Variants in GPR107 observed in about 807,000 individuals in gnomAD.
GPR107 encodes the protein protein GPR107.
A neutral mutation model predicts 75.5 loss-of-function variants in GPR107; 31 were observed. The observed-to-expected ratio is 0.41, with a 90% CI of 0.31 to 0.55. The LOEUF (loss-of-function observed/expected upper bound fraction) is 0.55. Among genes scored for constraint, GPR107 ranks in the 20% least tolerant of loss-of-function variants. The probability of loss-of-function intolerance (pLI) is 0.26; values close to 1 mark genes in which losing one functional copy is unlikely to be tolerated. For missense variants in GPR107, 572 were observed against 665.7 expected, an observed-to-expected ratio of 0.86 and a Z score of 1.55; for synonymous variants, 267 against 251.3, an observed-to-expected ratio of 1.06 and a Z score of -0.59.
chr9:130,061,944 C>CA (rs900069172), intron 1 of GPR107, among the ~76,000 whole-genome samples: 64 of 137,608 alleles, frequency 4.7e-4, no homozygotes, highest in East Asian at 1.7e-3. Context: ...GACTCTGTCT[C>CA]AAAAAAAAAA....
Position 130,077,350 on chromosome 9 carries a change from CT to C in GPR107, c.362del (p.Leu121Ter). Reference sequence around the variant, plus strand: ...AAAGAAACAGTCTGTCTCTGTCACCCTTTTAATCCTAGACATCTCCAGAAGT... The same window carrying C: ...AAAGAAACAGTCTGTCTCTGTCACCCTTTAATCCTAGACATCTCCAGAAGT... Reference protein sequence around the residue: ...ILKKQSVSVTLLILDISRSEV... With the variant: ...ILKKQSVSVTXLILDISRSEV... On this transcript the variant is annotated frameshift_variant, in exon 4 of 18. Coordinates refer to ENST00000347136, the MANE Select transcript of GPR107 (RefSeq NM_020960.5). LOFTEE classifies it high-confidence loss of function. The C allele has an allele frequency of 2.6e-6, 4 of 1,559,266 alleles. No homozygotes were observed. Among genetic ancestry groups the C allele is most frequent in the Non-Finnish European group, 2.7e-6 (3 of 1,129,936 alleles).
At chr9:130,117,595 A>G (rs1831456718) in intron 14 of GPR107, among the ~76,000 whole-genome samples, 1 of 152,180 alleles carries the variant, frequency 6.6e-6, no homozygotes, top group African/African-American at 2.4e-5. Flanking sequence ...AGTGAGCTGG[A>G]GCCCAGGACT....
intron 14 of GPR107, among the ~76,000 whole-genome samples, chr9:130,113,229 TGACA>T (rs1039705962): frequency 6.7e-6 from 1 of 149,260 alleles, no homozygotes; most frequent in Non-Finnish European, 1.5e-5. Context: ...GTTTCCTAAC[TGACA>T]GTTTCCCAGA....
intron 16 of GPR107, 144 bp downstream of exon 16, chr9:130,127,710 T>G: frequency 1.7e-6 from 1 of 595,904 alleles, no homozygotes; most frequent in East Asian, 2.8e-5. Context: ...AAAATTTTTT[T>G]TTTAGTTTTT....
At chr9:130,117,880 A>G (rs1029735786) in intron 14 of GPR107, among the ~76,000 whole-genome samples, 1 of 152,130 alleles carries the variant, frequency 6.6e-6, no homozygotes, top group Non-Finnish European at 1.5e-5. Context: ...CGCATAAATC[A>G]TGTGGTGTAA....
chr9:130,101,245 T>G (rs750387555), intron 12 of GPR107, 22 bp downstream of exon 12: 3 of 1,237,106 alleles, frequency 2.4e-6, no homozygotes, highest in Admixed American at 3.4e-5. Context: ...CTCATCCCAT[T>G]TGTCACTTCC....
chr9:130,131,244 A>T (rs1337270330), intron 17 of GPR107, among the ~76,000 whole-genome samples: 8 of 152,280 alleles, frequency 5.3e-5, no homozygotes, highest in South Asian at 4.1e-4. Flanking sequence ...CTGAGCTTCC[A>T]GGACCGTTGC....
intron 13 of GPR107, among the ~76,000 whole-genome samples, chr9:130,106,596 A>AAAAT (rs34201601): frequency 0.33 from 43,415 of 130,662 alleles, 7,098 homozygotes; most frequent in Non-Finnish European, 0.38. Context: ...ACTCTGTCTC[A>AAAAT]AAATAAATAA....
At chr9:130,108,553 G>A (rs1417270503) in intron 14 of GPR107, among the ~76,000 whole-genome samples, 1 of 152,182 alleles carries the variant, frequency 6.6e-6, no homozygotes, top group African/African-American at 2.4e-5. Context: ...TTTGGGCCTG[G>A]AACAGATAGT....
intron 17 of GPR107, among the ~76,000 whole-genome samples, chr9:130,132,238 A>G (rs1831844596): frequency 6.6e-6 from 1 of 152,034 alleles, no homozygotes. Flanking sequence ...TCACCTGTAG[A>G]GTGTTTTTGC....
At chr9:130,098,979 C>T (rs902044482) in intron 9 of GPR107, among the ~76,000 whole-genome samples, 3 of 151,896 alleles carry the variant, frequency 2.0e-5, no homozygotes, top group African/African-American at 7.3e-5. Flanking sequence ...TGCCACTGCA[C>T]TCCAGCCTGG....
intron 6 of GPR107, among the ~76,000 whole-genome samples, chr9:130,084,113 A>G (rs1830558795): frequency 6.8e-6 from 1 of 147,918 alleles, no homozygotes; most frequent in African/African-American, 2.5e-5. Flanking sequence ...TCTCATCTAC[A>G]GGGGGCCAGA....
At chr9:130,133,457 T>C (rs1564689021) in intron 17 of GPR107, among the ~76,000 whole-genome samples, 1 of 152,186 alleles carries the variant, frequency 6.6e-6, no homozygotes, top group African/African-American at 2.4e-5. Context: ...CGCATTTCTT[T>C]GTGGTCTCAG....
intron 4 of GPR107, 82 bp from the exon 5 acceptor site, chr9:130,079,548 T>A: frequency 9.2e-7 from 1 of 1,089,678 alleles, no homozygotes; most frequent in Non-Finnish European, 1.3e-6. Context: ...TGCATGAGCT[T>A]GGCACAGGGC....
intron 1 of GPR107, among the ~76,000 whole-genome samples, chr9:130,062,643 TGCC>T (rs1829957427): frequency 1.3e-5 from 1 of 75,392 alleles, no homozygotes; most frequent in African/African-American, 4.7e-5. Flanking sequence ...CCTGCCTGCC[TGCC>T]TGCCTGCCTG....
chr9:130,100,417 G>A (rs754983112), intron 10 of GPR107, among the ~76,000 whole-genome samples: 3 of 152,216 alleles, frequency 2.0e-5, no homozygotes, highest in Non-Finnish European at 4.4e-5. Context: ...CCAAGTGCCC[G>A]TGGAGCACAC....
chr9:130,068,744 C>CTTT lies in GPR107; in HGVS notation c.142-6888_142-6886dup, dbSNP rs35426594. On this transcript the variant is annotated intron_variant, in intron 1 of 17. Transcript: ENST00000347136. Reference sequence around the variant, plus strand: ...CAAATACATCAAAACAGTATGTCCTCTTTTTTATTTTTTTTGAGACGAGGT... The same window carrying CTTT: ...CAAATACATCAAAACAGTATGTCCTCTTTTTTTTTATTTTTTTTGAGACGAGGT... Among the ~76,000 whole-genome samples, 12 of 145,246 alleles carry CTTT rather than the reference C, an allele frequency of 8.3e-5. 2 individuals carry two copies. Among genetic ancestry groups the CTTT allele is most frequent in the Non-Finnish European group, 1.5e-4 (10 of 66,112 alleles).
Position 130,137,446 on chromosome 9 carries a change from G to A in GPR107, c.*2325G>A, listed in dbSNP as rs1554900135. On this transcript the variant is annotated 3_prime_UTR_variant, in exon 18 of 18. Coordinates refer to ENST00000347136, the MANE Select transcript of GPR107 (RefSeq NM_020960.5). The stretch of plus-strand genomic sequence containing the variant: ...AGCAGTGGACAGATGAGATAAGACT[G>A]TTTCAGAAACAAAGATGGCCACAGC... The A allele has an allele frequency of 6.6e-6, 1 of 152,276 alleles. No homozygotes were observed. The highest frequency in any genetic ancestry group is 2.4e-5 in the African/African-American group (1 of 41,456). 9.4% of individuals were successfully genotyped at this position (152,276 alleles called of 1,614,324 possible).
intron 13 of GPR107, among the ~76,000 whole-genome samples, chr9:130,106,817 A>G (rs921791688): frequency 2.0e-5 from 3 of 151,956 alleles, no homozygotes; most frequent in African/African-American, 7.2e-5. Context: ...GTGTCAGACC[A>G]CAGCCGCCTT....
Sources: allele counts gnomAD v4.1 joint callset (sites outside exome capture counted in the v4.1 genomes callset), GRCh38; gene constraint gnomAD v4.1.1; transcripts MANE v1.5; gene names NCBI Gene and HGNC (gene_info 2026-07-23, HGNC 2026-07-21).